ARFGAP3: variants seen among roughly 807,000 people sequenced by gnomAD.
ARFGAP3 encodes ARF GTPase activating protein 3.
Under a neutral mutation model 75.0 loss-of-function variants are expected in ARFGAP3, and 72 were observed. The observed-to-expected ratio is 0.96, with a 90% CI of 0.79 to 1.17. The LOEUF (loss-of-function observed/expected upper bound fraction) is 1.17. Among genes scored for constraint, ARFGAP3 ranks in the 50% most tolerant of loss-of-function variants. The pLI is 0.00. For synonymous variants in ARFGAP3, 221 were observed against 217.9 expected, an observed-to-expected ratio of 1.01 and a Z score of -0.13; for missense variants, 620 against 626.6, an observed-to-expected ratio of 0.99 and a Z score of 0.11.
At chr22:42,806,357 C>T (rs571194990) in intron 14 of ARFGAP3, among the ~76,000 whole-genome samples, 15 of 152,338 alleles carry the variant, frequency 9.8e-5, no homozygotes, top group Admixed American at 7.8e-4. Context: ...GAGGGGCCGG[C>T]GCTCTGAGGC....
intron 12 of ARFGAP3, among the ~76,000 whole-genome samples, chr22:42,809,710 T>G (rs879456104): frequency 1.3e-5 from 2 of 151,860 alleles, no homozygotes; most frequent in African/African-American, 4.8e-5. Flanking sequence ...ACCTTAAAAT[T>G]GGGGGAAAAA....
At chr22:42,806,435 C>T (rs932947829) in intron 14 of ARFGAP3, among the ~76,000 whole-genome samples, 3 of 152,352 alleles carry the variant, frequency 2.0e-5, no homozygotes, top group South Asian at 2.1e-4. Context: ...GACACCTCCT[C>T]GCTGGGGTCT....
chr22:42,850,108 A>G (rs1052591272), intron 1 of ARFGAP3, among the ~76,000 whole-genome samples: 4 of 152,186 alleles, frequency 2.6e-5, no homozygotes, highest in African/African-American at 9.7e-5. Context: ...AAAGTACTTT[A>G]AAATACACAG....
intron 4 of ARFGAP3, 129 bp downstream of exon 4, chr22:42,835,233 G>T: frequency 9.7e-7 from 1 of 1,032,844 alleles, no homozygotes; most frequent in South Asian, 1.6e-5. Flanking sequence ...TCAATAGTAA[G>T]AATCTACTGT....
chr22:42,852,827 T>C (rs1308769682), intron 1 of ARFGAP3, among the ~76,000 whole-genome samples: 1 of 152,140 alleles, frequency 6.6e-6, no homozygotes, highest in East Asian at 1.9e-4. Flanking sequence ...TGCAGTGGCG[T>C]GACCTTGGTT....
intron 9 of ARFGAP3, among the ~76,000 whole-genome samples, chr22:42,820,836 C>G (rs1195446987): frequency 1.3e-5 from 2 of 152,174 alleles, no homozygotes; most frequent in Non-Finnish European, 2.9e-5. Flanking sequence ...AAGAGCCTTA[C>G]AAAAGTCTAC....
In ARFGAP3 at chr22:42,857,227, G is replaced by C. The variant is rs372396815; in HGVS notation, c.-45C>G. 23 of 1,495,196 alleles carry C rather than the reference G, an allele frequency of 1.5e-5. No homozygotes were observed. In the African/African-American group the frequency reaches 3.2e-4, roughly 21 times the overall value. The allele number at this position is 1,495,196 out of a possible 1,614,324, so 92.6% of individuals were successfully genotyped here. A position where few individuals can be genotyped will look rare whatever the true frequency, so the allele number is the denominator to read the frequency against. ...CGCAGCTGGCCCAGCCAACCGGTAAGAGTCGACGAAAAGCGGCTACCGCCT... is the reference window on the plus strand; with the variant it reads ...CGCAGCTGGCCCAGCCAACCGGTAACAGTCGACGAAAAGCGGCTACCGCCT... On this transcript the variant is annotated 5_prime_UTR_variant, in exon 1 of 16. Coordinates refer to ENST00000263245, the MANE Select transcript of ARFGAP3 (RefSeq NM_014570.5).
chr22:42,802,288 AT>A (rs71752509), intron 14 of ARFGAP3, among the ~76,000 whole-genome samples: 7,114 of 142,478 alleles, frequency 0.05, 245 homozygotes, highest in African/African-American at 0.11. Flanking sequence ...CAAAATAACA[AT>A]TTTTTTTTTT....
At chr22:42,831,873 C>T (rs1926305174) in intron 5 of ARFGAP3, 1 of 373,824 alleles carries the variant, frequency 2.7e-6, no homozygotes, top group African/African-American at 2.2e-5. Context: ...GCCTTGACCT[C>T]CCAGGCTCAA....
At position 42,822,393 on chromosome 22, in the gene ARFGAP3, C is replaced by T. The variant is rs767524803; in HGVS notation, c.689G>A (p.Gly230Glu). ...QAKKGLGAKK[G>E]SLGAQKLANT... Reference sequence around the variant, plus strand: ...TGCCAGTTTCTGAGCTCCCAAACTTCCTTTTTTGGCCCCAAGCTAGAACAT... The same window carrying T: ...TGCCAGTTTCTGAGCTCCCAAACTTTCTTTTTTGGCCCCAAGCTAGAACAT... Residue 230 changes from glycine (G) to glutamate (E), a missense_variant, in exon 9 of 16, where the codon GGA becomes GAA. Coordinates refer to ENST00000263245, the MANE Select transcript of ARFGAP3 (RefSeq NM_014570.5). The T allele has an allele frequency of 1.2e-5, 20 of 1,613,934 alleles. No individual in the cohort carries two copies. Among genetic ancestry groups the T allele is most frequent in the Admixed American group, 1.2e-4 (7 of 59,952 alleles).
At chr22:42,850,843 T>C (rs1359239337) in intron 1 of ARFGAP3, among the ~76,000 whole-genome samples, 4 of 152,248 alleles carry the variant, frequency 2.6e-5, no homozygotes, top group Non-Finnish European at 1.5e-5. Flanking sequence ...GATCACCTGC[T>C]GTATGTCAGA....
chr22:42,808,844 C>G lies in ARFGAP3; in HGVS notation c.1243G>C (p.Asp415His). 1 of 1,613,576 alleles carries G rather than the reference C, an allele frequency of 6.2e-7. No individual in the cohort carries two copies. Among genetic ancestry groups the G allele is most frequent in the Non-Finnish European group, 8.5e-7 (1 of 1,179,704 alleles). ...TTGCCAAACTTCTTCTGGGCCTCAT[C>G]TGTATTTTCAACTGGCTCATAATCT... ...KPDYEPVENT[D>H]EAQKKFGNVK... Residue 415 changes from aspartate (D) to histidine (H), a missense_variant, in exon 13 of 16, where the codon GAT becomes CAT. Transcript: ENST00000263245.
chr22:42,830,881 G>A (rs924604252), intron 6 of ARFGAP3, among the ~76,000 whole-genome samples: 2 of 152,156 alleles, frequency 1.3e-5, no homozygotes, highest in South Asian at 2.1e-4. Flanking sequence ...TTAACAATTT[G>A]CTATGTGCTT....
At chr22:42,797,727 C>T (rs917454686) in intron 15 of ARFGAP3, 122 bp from the exon 16 acceptor site, 44 of 1,597,628 alleles carry the variant, frequency 2.8e-5, no homozygotes, top group Non-Finnish European at 1.2e-5. Flanking sequence ...GTGACATGGA[C>T]GCTGCACCCC....
chr22:42,821,206 G>A (rs1307073696), intron 9 of ARFGAP3, among the ~76,000 whole-genome samples: 1 of 152,194 alleles, frequency 6.6e-6, no homozygotes, highest in Non-Finnish European at 1.5e-5. Context: ...CAGGGCTTCA[G>A]ATTATAAATA....
intron 6 of ARFGAP3, 135 bp downstream of exon 6, chr22:42,831,414 C>T (rs1033800341): frequency 1.1e-5 from 9 of 783,608 alleles, no homozygotes; most frequent in Non-Finnish European, 1.8e-5. Flanking sequence ...TCAGGCGATC[C>T]CCCCGCCTCA....
intron 1 of ARFGAP3, among the ~76,000 whole-genome samples, chr22:42,852,552 G>A (rs1424296562): frequency 6.6e-6 from 1 of 151,478 alleles, no homozygotes; most frequent in Non-Finnish European, 1.5e-5. Context: ...GTAGAGATGG[G>A]GTTTCACCAT....
At position 42,857,215 on chromosome 22, in the gene ARFGAP3, G is replaced by A. The variant is rs1470960490; in HGVS notation, c.-33C>T. 2 of 1,502,942 alleles carry A rather than the reference G, an allele frequency of 1.3e-6. No individual in the cohort carries two copies. Among genetic ancestry groups the A allele is most frequent in the Non-Finnish European group, 8.9e-7 (1 of 1,122,754 alleles). 93.1% of individuals were successfully genotyped at this position (1,502,942 alleles called of 1,614,324 possible). A position where few individuals can be genotyped will look rare whatever the true frequency, so the allele number is the denominator to read the frequency against. On this transcript the variant is annotated 5_prime_UTR_variant, in exon 1 of 16. Transcript: ENST00000263245. The stretch of plus-strand genomic sequence containing the variant: ...TGTGAGCCGCGGCGCAGCTGGCCCA[G>A]CCAACCGGTAAGAGTCGACGAAAAG...
intron 5 of ARFGAP3, among the ~76,000 whole-genome samples, chr22:42,832,726 C>G (rs1926350853): frequency 6.6e-6 from 1 of 151,994 alleles, no homozygotes; most frequent in Non-Finnish European, 1.5e-5. Context: ...TGGCTCATGC[C>G]TATAATCCCA....
Sources: gnomAD v4.1 joint callset for allele counts (sites outside exome capture counted in the v4.1 genomes callset) on GRCh38, gnomAD v4.1.1 for gene constraint, MANE v1.5 for transcripts, NCBI Gene and HGNC (gene_info 2026-07-23, HGNC 2026-07-21) for gene names.